Variants in PCDH15 observed in about 807,000 individuals in gnomAD.
PCDH15 encodes protocadherin related 15, also known as protocadherin-15.
Under a neutral mutation model 178.5 loss-of-function variants are expected in PCDH15, and 129 were observed. That is an observed-to-expected ratio of 0.72 (90% CI 0.63 to 0.84). The LOEUF is 0.84. PCDH15 is among the 40% of genes least tolerant of loss of function. The probability of loss-of-function intolerance (pLI) is 0.00; values close to 1 mark genes in which losing one functional copy is unlikely to be tolerated. For missense variants in PCDH15, 2,230 were observed against 2,099.9 expected (o/e 1.06, Z -1.21); for synonymous variants, 800 against 732.0 (o/e 1.09, Z -1.50).
intron 13 of PCDH15, among the ~76,000 whole-genome samples, chr10:54,161,002 C>T (rs1012688028): frequency 6.6e-6 from 1 of 152,086 alleles, no homozygotes; most frequent in Non-Finnish European, 1.5e-5. Flanking sequence ...TAATCTAGCA[C>T]TTTTCGTAAG....
chr10:54,909,230 C>A (rs754689134), intron 2 of PCDH15, among the ~76,000 whole-genome samples: 3 of 152,162 alleles, frequency 2.0e-5, no homozygotes, highest in Non-Finnish European at 2.9e-5. Flanking sequence ...GGCTTCAGGC[C>A]TTCCCTGGCT....
chr10:54,745,097 A>T (rs61854089), intron 1 of PCDH15, among the ~76,000 whole-genome samples: 2,466 of 152,276 alleles, frequency 0.016, 25 homozygotes, highest in Admixed American at 0.027. Flanking sequence ...ACTACTTCAC[A>T]AGAAGGGGAA....
intron 3 of PCDH15, among the ~76,000 whole-genome samples, chr10:54,505,058 G>GT (rs1313171969): frequency 1.3e-5 from 2 of 151,884 alleles, no homozygotes; most frequent in Admixed American, 6.6e-5. Context: ...GAATCACTTT[G>GT]TTTTTTTGTT....
chr10:54,145,397 CAG>C (rs554509352), intron 14 of PCDH15, among the ~76,000 whole-genome samples: 226 of 151,860 alleles, frequency 1.5e-3, no homozygotes, highest in African/African-American at 5.4e-3. Context: ...TGGTAGATTT[CAG>C]ACAGATTAAT....
intron 3 of PCDH15, among the ~76,000 whole-genome samples, chr10:54,405,477 T>C (rs1036055514): frequency 4.0e-5 from 6 of 151,886 alleles, no homozygotes; most frequent in Non-Finnish European, 8.8e-5. Context: ...AGTGGGATAT[T>C]AATGATGATA....
At chr10:54,565,489 T>C (rs1195161597) in intron 2 of PCDH15, among the ~76,000 whole-genome samples, 1 of 152,112 alleles carries the variant, frequency 6.6e-6, no homozygotes, top group East Asian at 1.9e-4. Flanking sequence ...TATTTATAGG[T>C]TGAAACTTTT....
rs1843376097 is a variant in PCDH15, at chr10:55,304,773, C to T, written c.-156+14826G>A. On this transcript the variant is annotated intron_variant, in intron 1 of 5. Transcript: ENST00000458638. ...GTTCTCACTTAGGAAAGAGGGCTAA[C>T]TATAGGTTAGCATCTACAGGCCAGA... 2.0e-5 allele frequency among the ~76,000 whole-genome samples: 3 copies of T among 152,106 alleles called. No homozygotes were observed. The South Asian group carries it at 6.2e-4, about 31-fold the overall frequency.
At position 53,981,360 on chromosome 10, in the gene PCDH15, T is replaced by C. The variant is rs191705237; in HGVS notation, c.2868+14289A>G. Among the ~76,000 whole-genome samples the C allele has an allele frequency of 2.1e-3, 323 of 152,312 alleles. No individual in the cohort carries two copies. In the Middle Eastern group the frequency reaches 0.024, roughly 11 times the overall value. ...AATTGCATACCTGTATGAAGGATGT[T>C]TCAAACTTGAAAACTTAGGGAATTT... On this transcript the variant is annotated intron_variant, in intron 21 of 37. Transcript: ENST00000644397.
At position 55,386,315 on chromosome 10, in the gene PCDH15, A is replaced by G. The variant is rs535706628; in HGVS notation, c.-155-219664T>C. On this transcript the variant is annotated intron_variant, in intron 2 of 5. Transcript: ENST00000613346. ...TAAATTCAGAAATAAAATTTTAAAA[A>G]ACTGAAAACTTTCTTCAAGCCATGT... Among the ~76,000 whole-genome samples the G allele has an allele frequency of 7.2e-5, 11 of 152,176 alleles. No homozygotes were observed. In the East Asian group the frequency reaches 1.4e-3, roughly 19 times the overall value.
At chr10:54,227,249 G>A (rs1394531446) in intron 9 of PCDH15, among the ~76,000 whole-genome samples, 1 of 152,158 alleles carries the variant, frequency 6.6e-6, no homozygotes, top group East Asian at 1.9e-4. Flanking sequence ...AACATACAAG[G>A]CATTTCCACA....
chr10:55,541,848 T>A (rs1341321541), intron 2 of PCDH15, among the ~76,000 whole-genome samples: 1 of 151,894 alleles, frequency 6.6e-6, no homozygotes, highest in African/African-American at 2.4e-5. Flanking sequence ...GATTATATTA[T>A]AGCCACCTCT....
intron 8 of PCDH15, among the ~76,000 whole-genome samples, chr10:54,283,146 T>C (rs1331676397): frequency 6.6e-6 from 1 of 152,104 alleles, no homozygotes; most frequent in Non-Finnish European, 1.5e-5. Context: ...ATTTATGCAG[T>C]GTTTTAGAAG....
At chr10:54,725,757 G>T (rs1249916368) in intron 1 of PCDH15, among the ~76,000 whole-genome samples, 1 of 151,192 alleles carries the variant, frequency 6.6e-6, no homozygotes, top group African/African-American at 2.4e-5. Context: ...GATAAAATGG[G>T]AATAATACCA....
rs12262031 is a variant in PCDH15, at chr10:54,337,862, T to C, written c.595-8156A>G. On this transcript the variant is annotated intron_variant, in intron 6 of 37. Transcript: ENST00000644397. ...TTATTGGGAACCTGGGTGGGAACTA[T>C]AGCTATAAAACCCTAACCCTCTCTT... Among the ~76,000 whole-genome samples the C allele has an allele frequency of 5.9e-3, 901 of 152,294 alleles. 12 individuals carry two copies. Among genetic ancestry groups the C allele is most frequent in the African/African-American group, 0.021 (882 of 41,562 alleles).
intron 2 of PCDH15, among the ~76,000 whole-genome samples, chr10:55,508,322 T>A (rs1840805575): frequency 6.6e-6 from 1 of 151,764 alleles, no homozygotes; most frequent in Non-Finnish European, 1.5e-5. Flanking sequence ...TAGAAATCAT[T>A]TTTTCCAAAC....
chr10:54,533,555 T>A (rs1298065661), intron 2 of PCDH15, among the ~76,000 whole-genome samples: 2 of 152,196 alleles, frequency 1.3e-5, no homozygotes, highest in East Asian at 3.8e-4. Flanking sequence ...CAAGATGTTT[T>A]ATGATTTTAC....
chr10:54,769,086 TATATA>T (rs1282813570), intron 1 of PCDH15, among the ~76,000 whole-genome samples: 1 of 152,178 alleles, frequency 6.6e-6, no homozygotes, highest in Admixed American at 6.5e-5. Flanking sequence ...GAAATTTTTG[TATATA>T]ATATATCAGA....
intron 2 of PCDH15, among the ~76,000 whole-genome samples, chr10:54,629,330 A>G (rs973117458): frequency 7.2e-5 from 11 of 152,160 alleles, no homozygotes; most frequent in African/African-American, 2.7e-4. Context: ...ATAACCCAGA[A>G]TTCAAGAGAA....
At chr10:55,590,991 AC>A (rs1033452418) in intron 2 of PCDH15, among the ~76,000 whole-genome samples, 1 of 152,082 alleles carries the variant, frequency 6.6e-6, no homozygotes, top group Non-Finnish European at 1.5e-5. Flanking sequence ...ATATAATCTA[AC>A]CCAATTATCA....
Sources: allele counts gnomAD v4.1 joint callset (sites outside exome capture counted in the v4.1 genomes callset), GRCh38; gene constraint gnomAD v4.1.1; transcripts MANE v1.5; gene names NCBI Gene and HGNC (gene_info 2026-07-23, HGNC 2026-07-21).